DLGAP4: variants seen among roughly 807,000 people sequenced by gnomAD.
DLGAP4 encodes the protein DLG associated protein 4, also known as disks large-associated protein 4.
In DLGAP4, 18 loss-of-function variants were observed where a neutral mutation model predicts 86.9. The observed-to-expected ratio is 0.21, with a 90% CI of 0.14 to 0.31. DLGAP4 has a LOEUF of 0.31. Among genes scored for constraint, DLGAP4 ranks in the 10% least tolerant of loss-of-function variants. The pLI is 1.00. For missense variants in DLGAP4, 1,085 were observed against 1,362.6 expected (o/e 0.80, Z 3.21); for synonymous variants, 548 against 574.3 (o/e 0.95, Z 0.65).
intron 10 of DLGAP4, among the ~76,000 whole-genome samples, chr20:36,507,471 G>A (rs1421295998): frequency 6.6e-6 from 1 of 152,036 alleles, no homozygotes; most frequent in Non-Finnish European, 1.5e-5. Flanking sequence ...CAAGTGATCT[G>A]CCCACCTCGC....
intron 2 of DLGAP4, among the ~76,000 whole-genome samples, chr20:36,404,428 G>A (rs2032252625): frequency 6.6e-6 from 1 of 152,150 alleles, no homozygotes; most frequent in African/African-American, 2.4e-5. Context: ...CCCCTAGAAG[G>A]TACCATCCCC....
chr20:36,325,760 G>A (rs1159845018), intron 1 of DLGAP4, among the ~76,000 whole-genome samples: 2 of 149,246 alleles, frequency 1.3e-5, no homozygotes, highest in Non-Finnish European at 3.0e-5. Flanking sequence ...TCTGTTGCCT[G>A]GGCTGGAGTA....
intron 8 of DLGAP4, chr20:36,497,377 C>T: frequency 8.2e-7 from 1 of 1,214,684 alleles, no homozygotes; most frequent in South Asian, 2.1e-5. Context: ...GTCTGTCTGT[C>T]CACTCCACCC....
At chr20:36,307,589 T>G (rs1555889604) in intron 1 of DLGAP4, among the ~76,000 whole-genome samples, 1 of 152,056 alleles carries the variant, frequency 6.6e-6, no homozygotes, top group Non-Finnish European at 1.5e-5. Flanking sequence ...GGAGGTGCCC[T>G]GAGAATGGGA....
chr20:36,407,781 G>A (rs1417381222), intron 2 of DLGAP4, among the ~76,000 whole-genome samples: 1 of 152,120 alleles, frequency 6.6e-6, no homozygotes, highest in Non-Finnish European at 1.5e-5. Flanking sequence ...AAACAGCCTG[G>A]AGGGAGCGTG....
At chr20:36,516,927 A>G (rs1045169590) in intron 10 of DLGAP4, among the ~76,000 whole-genome samples, 2 of 151,804 alleles carry the variant, frequency 1.3e-5, no homozygotes, top group East Asian at 2.0e-4. Flanking sequence ...CCCACGAAAC[A>G]CCATGCCTGG....
Position 36,350,192 on chromosome 20 carries a change from G to A in DLGAP4, c.-303-16853G>A, listed in dbSNP as rs781859820. Among the ~76,000 whole-genome samples, 2 of 152,214 alleles carry A rather than the reference G, an allele frequency of 1.3e-5. No homozygotes were observed. Among genetic ancestry groups the A allele is most frequent in the Non-Finnish European group, 2.9e-5 (2 of 68,032 alleles). ...GGCTGGCGGGTGCCAAGCCTGGATC[G>A]TCCCCCGAGCTCAGCTTGCCCTTAG... On this transcript the variant is annotated intron_variant, in intron 1 of 12. Coordinates refer to ENST00000339266, the MANE Select transcript of DLGAP4 (RefSeq NM_001365621.2). This position sits in a 1 kb window ranked among gnomAD's most constrained non-coding sequence, Gnocchi z 4.4.
At chr20:36,417,933 C>T (rs4428073) in intron 2 of DLGAP4, among the ~76,000 whole-genome samples, 4,091 of 151,898 alleles carry the variant, frequency 0.027, 82 homozygotes, top group Middle Eastern at 0.051. Flanking sequence ...TACAGGTGCT[C>T]GCCACCATGC....
intron 2 of DLGAP4, among the ~76,000 whole-genome samples, chr20:36,417,489 T>G (rs2032691598): frequency 6.6e-6 from 1 of 151,906 alleles, no homozygotes; most frequent in African/African-American, 2.4e-5. Flanking sequence ...TCAAGCAATC[T>G]TCCCGTCACA....
At chr20:36,404,019 G>A (rs1173545568) in intron 2 of DLGAP4, among the ~76,000 whole-genome samples, 2 of 152,202 alleles carry the variant, frequency 1.3e-5, no homozygotes, top group Non-Finnish European at 2.9e-5. Context: ...GTCACATACT[G>A]TCATTTCCAC....
At chr20:36,481,134 G>A (rs1409234287) in intron 7 of DLGAP4, among the ~76,000 whole-genome samples, 1 of 152,190 alleles carries the variant, frequency 6.6e-6, no homozygotes. Context: ...CACACCCATG[G>A]GGACTTCAGT....
At chr20:36,364,870 G>A (rs1555894511) in intron 1 of DLGAP4, among the ~76,000 whole-genome samples, 1 of 152,158 alleles carries the variant, frequency 6.6e-6, no homozygotes, top group Non-Finnish European at 1.5e-5. Flanking sequence ...TGAGGTGGAT[G>A]GATCACTTGA....
chr20:36,456,119 G>C (rs1162749149), intron 7 of DLGAP4, among the ~76,000 whole-genome samples: 1 of 152,182 alleles, frequency 6.6e-6, no homozygotes, highest in Non-Finnish European at 1.5e-5. Context: ...TGCAATTCCT[G>C]ATCTAACCCA....
chr20:36,376,871 G>A (rs1298010840), intron 2 of DLGAP4, among the ~76,000 whole-genome samples: 1 of 152,204 alleles, frequency 6.6e-6, no homozygotes, highest in Non-Finnish European at 1.5e-5. Flanking sequence ...TGGGGAAGGT[G>A]GGAGGAGAGC....
At chr20:36,482,535 C>T (rs2035232704) in intron 7 of DLGAP4, among the ~76,000 whole-genome samples, 1 of 152,190 alleles carries the variant, frequency 6.6e-6, no homozygotes, top group Non-Finnish European at 1.5e-5. Context: ...ATTTTGCATT[C>T]TCTACCCTCA....
intron 1 of DLGAP4, among the ~76,000 whole-genome samples, chr20:36,307,197 G>A (rs782444379): frequency 6.6e-6 from 1 of 152,196 alleles, no homozygotes; most frequent in Admixed American, 6.5e-5. Flanking sequence ...GGGCTGGGGG[G>A]GCACTCACAT....
chr20:36,345,792 C>G (rs1359262089), intron 1 of DLGAP4, among the ~76,000 whole-genome samples: 1 of 152,052 alleles, frequency 6.6e-6, no homozygotes, highest in Admixed American at 6.6e-5. Context: ...GAGTATTGCT[C>G]TGTCACCCAG....
intron 7 of DLGAP4, among the ~76,000 whole-genome samples, chr20:36,496,112 T>C (rs1461585146): frequency 6.6e-6 from 1 of 152,134 alleles, no homozygotes. Flanking sequence ...CCTCAGGTGA[T>C]CTGCCCACTT....
intron 7 of DLGAP4, among the ~76,000 whole-genome samples, chr20:36,487,874 C>T (rs2035484605): frequency 6.6e-6 from 1 of 152,142 alleles, no homozygotes; most frequent in African/African-American, 2.4e-5. Flanking sequence ...AGTATCACAT[C>T]CTATTTTTAT....
Sources: allele counts gnomAD v4.1 joint callset (sites outside exome capture counted in the v4.1 genomes callset), GRCh38; gene constraint gnomAD v4.1.1; non-coding constraint Gnocchi (gnomAD v3.1); transcripts MANE v1.5; gene names NCBI Gene and HGNC (gene_info 2026-07-23, HGNC 2026-07-21).